The following FBLN7 variants were observed in gnomAD, a reference collection of about 807,000 sequenced individuals.
The protein encoded by FBLN7 is fibulin 7.
In FBLN7, 31 loss-of-function variants were observed where a neutral mutation model predicts 44.0. The observed-to-expected ratio is 0.70, with a 90% CI of 0.53 to 0.95. FBLN7 has a LOEUF of 0.95. FBLN7 is among the 40% of genes least tolerant of loss of function. The pLI is 0.00. For missense variants in FBLN7, 573 were observed against 618.5 expected (o/e 0.93, Z 0.78); for synonymous variants, 262 against 253.4 (o/e 1.03, Z -0.32).
At chr2:112,155,754 G>A (rs1681380216) in intron 1 of FBLN7, among the ~76,000 whole-genome samples, 1 of 152,202 alleles carries the variant, frequency 6.6e-6, no homozygotes, top group Non-Finnish European at 1.5e-5. Flanking sequence ...CGGAAGCAGA[G>A]GGCAGTTGTG....
the FBLN7 span, chr2:112,236,437 G>A: frequency 2.4e-5 from 32 of 1,342,436 alleles, no homozygotes; most frequent in Non-Finnish European, 2.8e-5. Context: ...ATCTTCATCC[G>A]AAAACCGATT....
the FBLN7 span, chr2:112,234,181 T>C: frequency 6.2e-7 from 1 of 1,611,186 alleles, no homozygotes; most frequent in Non-Finnish European, 8.5e-7. Flanking sequence ...TTCCACTGTA[T>C]GTTGGTTGAT....
chr2:112,179,953 CA>C (rs1682903973), intron 4 of FBLN7, among the ~76,000 whole-genome samples: 1 of 152,126 alleles, frequency 6.6e-6, no homozygotes, highest in Non-Finnish European at 1.5e-5. Context: ...ACAAAGATAC[CA>C]AAAGCAATTA....
At chr2:112,163,935 G>A (rs1176771361) in intron 2 of FBLN7, among the ~76,000 whole-genome samples, 4 of 152,164 alleles carry the variant, frequency 2.6e-5, no homozygotes, top group Admixed American at 2.6e-4. Flanking sequence ...TGTTTGACCA[G>A]CTGTCCCTCT....
Position 112,138,727 on chromosome 2 carries a change from C to T in FBLN7, c.72C>T (p.Ser24=), listed in dbSNP as rs1680473167. 6.2e-7 allele frequency: 1 copy of T among 1,611,286 alleles called. No individual in the cohort carries two copies. The highest frequency in any genetic ancestry group is 8.5e-7 in the Non-Finnish European group (1 of 1,179,284). Residue 24 remains serine (S), a synonymous_variant, in exon 1 of 8, where the codon TCC becomes TCT. Transcript: ENST00000331203. ...TCGCCTGCCCCGAGCCGCGGGCTTC[C>T]CAGGTCAGTGTCCCTCCCGCCTCTC... The part of the protein sequence containing the change: ...LILACPEPRA[S]QNCLSKQQLL...
chr2:112,166,887 T>C (rs1055100149), intron 3 of FBLN7, among the ~76,000 whole-genome samples: 2 of 152,176 alleles, frequency 1.3e-5, no homozygotes, highest in African/African-American at 4.8e-5. Context: ...CCACATCTGA[T>C]CTGTCCACCC....
rs181032294 is a variant in FBLN7, at chr2:112,184,624, A to T, written c.809-577A>T. On this transcript the variant is annotated intron_variant, in intron 6 of 7. Coordinates refer to ENST00000331203, the MANE Select transcript of FBLN7 (RefSeq NM_153214.3). ...AAGACTTTCTAGAAGATTCTAATTT[A>T]AAAAAAGTGTGTGTATATATAGTAT... is the stretch of plus-strand genomic sequence containing the variant. Among the ~76,000 whole-genome samples, 59 of 131,350 alleles carry T rather than the reference A, an allele frequency of 4.5e-4. No homozygotes were observed. The East Asian group carries it at 6.9e-3, about 15-fold the overall frequency. 86.2% of individuals were successfully genotyped at this position (131,350 alleles called of 152,430 possible). A position where few individuals can be genotyped will look rare whatever the true frequency, so the allele number is the denominator to read the frequency against.
At chr2:112,212,148 A>C in the FBLN7 span, 1 of 152,304 alleles carries the variant, frequency 6.6e-6, no homozygotes, top group South Asian at 2.1e-4. Context: ...TGCTTTGTAG[A>C]CAGCCATTTT....
the FBLN7 span, chr2:112,213,359 C>G: frequency 6.6e-6 from 1 of 151,898 alleles, no homozygotes; most frequent in Admixed American, 6.6e-5. Flanking sequence ...ACTCAGGAAA[C>G]CTATTAAAAC....
At chr2:112,144,508 T>TTTTTG in intron 1 of FBLN7, among the ~76,000 whole-genome samples, 1 of 149,642 alleles carries the variant, frequency 6.7e-6, no homozygotes, top group Admixed American at 6.7e-5. Flanking sequence ...TTTGTTTTTG[T>TTTTTG]TTTTGTTTTC....
the FBLN7 span, among the ~76,000 whole-genome samples, chr2:112,224,235 G>T: frequency 1.8e-4 from 28 of 152,236 alleles, no homozygotes; most frequent in African/African-American, 6.5e-4. Context: ...ACGTAAGGGT[G>T]GTTTAGTATT....
chr2:112,240,149 T>G, the FBLN7 span, among the ~76,000 whole-genome samples: 2 of 152,222 alleles, frequency 1.3e-5, no homozygotes, highest in African/African-American at 4.8e-5. Flanking sequence ...AGAATAAACT[T>G]GTAAATGTAA....
intron 4 of FBLN7, 47 bp from the exon 5 acceptor site, chr2:112,181,692 C>A: frequency 7.4e-7 from 1 of 1,350,626 alleles, no homozygotes; most frequent in Non-Finnish European, 9.5e-7. Flanking sequence ...GTCGGGCCCA[C>A]GGCAGGTGCG....
chr2:112,187,288 C>A lies in FBLN7; in HGVS notation c.1102C>A (p.Pro368Thr). 3.1e-6 allele frequency: 5 copies of A among 1,614,148 alleles called. No homozygotes were observed. The highest frequency in any genetic ancestry group is 4.2e-6 in the Non-Finnish European group (5 of 1,180,034). ...ATASAPGRAG[P>T]NSLRFGIVGG... ...AGCCTCTGCCCCCGGCCGAGCTGGG[C>A]CCAACAGCCTGCGGTTTGGGATCGT... is the stretch of plus-strand genomic sequence containing the variant. Residue 368 changes from proline to threonine, a missense_variant, in exon 8 of 8, where the codon CCC (proline) becomes ACC (threonine). Coordinates refer to ENST00000331203, the MANE Select transcript of FBLN7 (RefSeq NM_153214.3). The surrounding 1 kb of genome is among the most constrained non-coding windows in gnomAD (Gnocchi z 5.1).
the FBLN7 span, among the ~76,000 whole-genome samples, chr2:112,222,294 G>A: frequency 3.3e-5 from 5 of 152,226 alleles, no homozygotes; most frequent in South Asian, 2.1e-4. Flanking sequence ...GAGTAAACAC[G>A]GGGTTGCACC....
chr2:112,220,650 C>T, the FBLN7 span, among the ~76,000 whole-genome samples: 10 of 152,044 alleles, frequency 6.6e-5, no homozygotes, highest in African/African-American at 1.4e-4. Flanking sequence ...GGAGAAACCC[C>T]GTCTTCATTA....
the FBLN7 span, among the ~76,000 whole-genome samples, chr2:112,224,784 G>T: frequency 1.3e-5 from 2 of 152,296 alleles, no homozygotes; most frequent in African/African-American, 2.4e-5. Flanking sequence ...GATACTTACT[G>T]AAAGAATACC....
At chr2:112,212,578 A>T in the FBLN7 span, 1 of 152,326 alleles carries the variant, frequency 6.6e-6, no homozygotes, top group African/African-American at 2.4e-5. Flanking sequence ...ATATTATTTC[A>T]GGTGGTATGA....
the FBLN7 span, among the ~76,000 whole-genome samples, chr2:112,221,730 C>T: frequency 6.6e-6 from 1 of 152,022 alleles, no homozygotes; most frequent in Non-Finnish European, 1.5e-5. Context: ...CTGGTTCTTT[C>T]TTATAATGGT....
Sources: allele counts gnomAD v4.1 joint callset (sites outside exome capture counted in the v4.1 genomes callset), GRCh38; gene constraint gnomAD v4.1.1; non-coding constraint Gnocchi (gnomAD v3.1); transcripts MANE v1.5; gene names NCBI Gene and HGNC (gene_info 2026-07-23, HGNC 2026-07-21).